The following KAT6B variants were observed in gnomAD, a reference collection of about 807,000 sequenced individuals.
KAT6B encodes lysine acetyltransferase 6B.
A neutral mutation model predicts 187.5 loss-of-function variants in KAT6B; 10 were observed. The observed-to-expected ratio is 0.05, with a 90% CI of 0.03 to 0.09. KAT6B has a LOEUF of 0.09. Ranked by LOEUF, KAT6B falls within the 10% of genes least tolerant of loss-of-function variation. The pLI is 1.00. For synonymous variants in KAT6B, 861 were observed against 926.8 expected, an observed-to-expected ratio of 0.93 and a Z score of 1.29; for missense variants, 1,952 against 2,558.9, an observed-to-expected ratio of 0.76 and a Z score of 5.12.
intron 1 of KAT6B, 94 bp from the exon 2 acceptor site, chr10:74,838,589 G>A (rs1490370098): frequency 1.3e-5 from 2 of 152,296 alleles, no homozygotes; most frequent in East Asian, 1.9e-4. Flanking sequence ...CATTGGAGCT[G>A]TTTGTCTTGA....
Position 74,902,877 on chromosome 10 carries a change from A to G in KAT6B, c.622-57093A>G, listed in dbSNP as rs539248295. 2.0e-5 allele frequency among the ~76,000 whole-genome samples: 3 copies of G among 152,268 alleles called. 1 individual carries two copies. Among genetic ancestry groups the G allele is most frequent in the African/African-American group, 7.2e-5 (3 of 41,542 alleles). The stretch of plus-strand genomic sequence containing the variant: ...TGAGAAGAGTTAATATTATTTTCAT[A>G]TTTCACAGTACTTGACATATTGTCT... On this transcript the variant is annotated intron_variant, in intron 3 of 17. Coordinates refer to ENST00000287239, the MANE Select transcript of KAT6B (RefSeq NM_012330.4).
intron 12 of KAT6B, among the ~76,000 whole-genome samples, chr10:74,986,889 C>T (rs1015830538): frequency 6.6e-6 from 1 of 152,170 alleles, no homozygotes; most frequent in Non-Finnish European, 1.5e-5. Flanking sequence ...CTGCACTGAC[C>T]ATCCCACTCC....
intron 4 of KAT6B, among the ~76,000 whole-genome samples, chr10:74,966,796 G>A (rs376205543): frequency 2.0e-5 from 3 of 152,174 alleles, no homozygotes; most frequent in Non-Finnish European, 4.4e-5. Context: ...GGAGGCCAAG[G>A]CTGGTGGATT....
intron 3 of KAT6B, among the ~76,000 whole-genome samples, chr10:74,867,895 C>G (rs560063864): frequency 1.4e-3 from 211 of 152,266 alleles, no homozygotes; most frequent in African/African-American, 4.9e-3. Flanking sequence ...ACACTGTTTT[C>G]TGTTCTGATG....
rs535430382 is a variant in KAT6B at position 74,857,702 on chromosome 10, T to G, written c.621+14224T>G. 2.0e-4 allele frequency among the ~76,000 whole-genome samples: 30 copies of G among 152,262 alleles called. No homozygotes were observed. In the South Asian group the frequency reaches 6.0e-3, roughly 30 times the overall value. On this transcript the variant is annotated intron_variant, in intron 3 of 17. Transcript: ENST00000287239. ...AATCATTGAAGGTTTTGGGCTATGGTGAACCATGATCAAGTCTGTTTAGAA... is the reference window on the plus strand; with the variant it reads ...AATCATTGAAGGTTTTGGGCTATGGGGAACCATGATCAAGTCTGTTTAGAA...
intron 13 of KAT6B, among the ~76,000 whole-genome samples, chr10:75,018,686 T>C (rs1172954531): frequency 6.6e-6 from 1 of 152,160 alleles, no homozygotes; most frequent in Non-Finnish European, 1.5e-5. Context: ...ACCACCTTGG[T>C]ATGAACACTT....
At chr10:74,853,888 C>G (rs185770614) in intron 3 of KAT6B, among the ~76,000 whole-genome samples, 1 of 152,168 alleles carries the variant, frequency 6.6e-6, no homozygotes, top group Admixed American at 6.5e-5. Flanking sequence ...CTCGGCCTCC[C>G]AAAGTGCTGG....
At chr10:74,958,186 A>G (rs1292194663) in intron 3 of KAT6B, among the ~76,000 whole-genome samples, 1 of 152,188 alleles carries the variant, frequency 6.6e-6, no homozygotes, top group Non-Finnish European at 1.5e-5. Flanking sequence ...ATTTGTTGGA[A>G]TCATTATAAC....
chr10:74,835,410 T>C (rs936900269), intron 1 of KAT6B, among the ~76,000 whole-genome samples: 2 of 152,214 alleles, frequency 1.3e-5, no homozygotes, highest in African/African-American at 2.4e-5. Flanking sequence ...GCGAATCTTA[T>C]GGGGAAGACA....
rs1314336566 is a variant in KAT6B at position 75,030,285 on chromosome 10, C to G, written c.5461C>G (p.Gln1821Glu). The stretch of plus-strand genomic sequence containing the variant: ...AGCCACCTTCAGCCTTGCCAAACTG[C>G]AGCAGTTAACTAATACACTTATTGA... Reference protein sequence around the residue: ...PSATFSLAKLQQLTNTLIDHS... With the variant: ...PSATFSLAKLEQLTNTLIDHS... The change falls in exon 18 of 18, where the codon CAG (glutamine) becomes GAG (glutamate). Residue 1821 changes from glutamine to glutamate, a missense_variant. Coordinates refer to ENST00000287239, the MANE Select transcript of KAT6B (RefSeq NM_012330.4). This position sits in a 1 kb window ranked among gnomAD's most constrained non-coding sequence, Gnocchi z 4.8. The G allele has an allele frequency of 1.2e-6, 2 of 1,614,250 alleles. No individual in the cohort carries two copies. Among genetic ancestry groups the G allele is most frequent in the Non-Finnish European group, 1.7e-6 (2 of 1,180,036 alleles).
rs553552942 is a variant in KAT6B at position 74,887,246 on chromosome 10, C to A, written c.621+43768C>A. 3.3e-5 allele frequency among the ~76,000 whole-genome samples: 5 copies of A among 152,204 alleles called. No homozygotes were observed. In the South Asian group the frequency reaches 1.0e-3, roughly 32 times the overall value. ...GAGAGGGGTGGGGTGACAGTCTTTC[C>A]ATAGGGTGTCCAGACACTCCTGGCC... On this transcript the variant is annotated intron_variant, in intron 3 of 17. Coordinates refer to ENST00000287239, the MANE Select transcript of KAT6B (RefSeq NM_012330.4).
intron 3 of KAT6B, among the ~76,000 whole-genome samples, chr10:74,880,150 A>G (rs1844744335): frequency 6.6e-6 from 1 of 152,218 alleles, no homozygotes; most frequent in African/African-American, 2.4e-5. Context: ...ATGTTCACAA[A>G]GTCATTCACC....
rs761825610 is a variant in KAT6B at position 75,030,568 on chromosome 10, C to T, written c.5744C>T (p.Thr1915Ile). 7.5e-6 allele frequency: 12 copies of T among 1,608,774 alleles called. No homozygotes were observed. Among genetic ancestry groups the T allele is most frequent in the Non-Finnish European group, 2.6e-6 (3 of 1,175,764 alleles). The change falls in exon 18 of 18, where the codon ACC becomes ATC. Residue 1915 changes from threonine to isoleucine, a missense_variant. Thr to Ile is a moderately conservative substitution (Grantham distance 89). Transcript: ENST00000287239. The surrounding 1 kb of genome is among the most constrained non-coding windows in gnomAD (Gnocchi z 4.8). ...IGISHSQRLQ[T>I]QIASKGHISM... ...ATCTCTCACAGCCAAAGACTGCAAA[C>T]CCAGATTGCCAGCAAGGGCCACATC... is the stretch of plus-strand genomic sequence containing the variant.
In KAT6B at chr10:74,842,886, C is replaced by T; in HGVS notation, c.29C>T (p.Thr10Ile). Reference protein sequence around the residue: MVKLANPLYTEWILEAIQKI... With the variant: MVKLANPLYIEWILEAIQKI... ...GTAAAACTTGCAAACCCACTTTATA[C>T]AGAGTGGATTCTTGAAGCTATACAG... Residue 10 changes from threonine (T) to isoleucine (I), a missense_variant, in exon 3 of 18, where the codon ACA becomes ATA. By Grantham distance (89) the Thr-to-Ile change is moderately conservative. This residue lies in a region of KAT6B where 218 missense variants were observed against 282.6 expected (regional missense o/e 0.77). Coordinates refer to ENST00000287239, the MANE Select transcript of KAT6B (RefSeq NM_012330.4). The T allele has an allele frequency of 6.2e-7, 1 of 1,614,082 alleles. No homozygotes were observed. The highest frequency in any genetic ancestry group is 1.1e-5 in the South Asian group (1 of 91,076).
chr10:74,906,619 T>A (rs1463962960), intron 3 of KAT6B, among the ~76,000 whole-genome samples: 1 of 152,160 alleles, frequency 6.6e-6, no homozygotes, highest in Non-Finnish European at 1.5e-5. Context: ...TTTCCACCCT[T>A]TTATCTACTT....
chr10:74,835,642 G>A (rs1841241905), intron 1 of KAT6B, among the ~76,000 whole-genome samples: 1 of 152,104 alleles, frequency 6.6e-6, no homozygotes, highest in African/African-American at 2.4e-5. Context: ...CTGAGATCTT[G>A]GCTAAGTCAA....
intron 1 of KAT6B, among the ~76,000 whole-genome samples, chr10:74,833,739 T>C (rs372184068): frequency 5.3e-5 from 8 of 152,328 alleles, no homozygotes; most frequent in African/African-American, 1.9e-4. Flanking sequence ...TAATATAATA[T>C]GTATTAGTTG....
intron 3 of KAT6B, among the ~76,000 whole-genome samples, chr10:74,847,834 G>T (rs1842212043): frequency 6.6e-6 from 1 of 151,914 alleles, no homozygotes; most frequent in African/African-American, 2.4e-5. Context: ...AAATGAACTT[G>T]GGTGGGTATC....
At chr10:74,857,397 C>T (rs1842890715) in intron 3 of KAT6B, among the ~76,000 whole-genome samples, 1 of 152,208 alleles carries the variant, frequency 6.6e-6, no homozygotes, top group Admixed American at 6.5e-5. Flanking sequence ...AGCAATGTTG[C>T]ATCTCTCTGA....
Sources: gnomAD v4.1 joint callset for allele counts (sites outside exome capture counted in the v4.1 genomes callset) on GRCh38, gnomAD v4.1.1 for gene constraint, gnomAD v4.1.1 regional missense constraint, Gnocchi (gnomAD v3.1) non-coding constraint, MANE v1.5 for transcripts, NCBI Gene and HGNC (gene_info 2026-07-23, HGNC 2026-07-21) for gene names.